The following SPOCK3 variants were observed in gnomAD, a reference collection of about 807,000 sequenced individuals.
The protein encoded by SPOCK3 is SPARC (osteonectin), cwcv and kazal like domains proteoglycan 3.
In SPOCK3, 30 loss-of-function variants were observed where a neutral mutation model predicts 56.6. That is an observed-to-expected ratio of 0.53 (90% CI 0.40 to 0.72). The LOEUF (loss-of-function observed/expected upper bound fraction) is 0.72, where lower values mean the gene tolerates loss of function less well. Ranked by LOEUF, SPOCK3 falls within the 30% of genes least tolerant of loss-of-function variation. The probability of loss-of-function intolerance (pLI) is 0.00; values close to 1 mark genes in which losing one functional copy is unlikely to be tolerated. For missense variants in SPOCK3, 527 were observed against 530.0 expected (o/e 0.99, Z 0.06); for synonymous variants, 196 against 183.3 (o/e 1.07, Z -0.56).
chr4:167,187,565 T>A (rs748509465), intron 2 of SPOCK3, among the ~76,000 whole-genome samples: 1 of 151,992 alleles, frequency 6.6e-6, no homozygotes, highest in Non-Finnish European at 1.5e-5. Context: ...TGCCCCAGTC[T>A]TTTTTTGCTA....
At position 166,860,557 on chromosome 4, in the gene SPOCK3, A is replaced by G. The variant is rs570363071; in HGVS notation, c.589+28573T>C. On this transcript the variant is annotated intron_variant, in intron 6 of 10. Coordinates refer to ENST00000357545, the MANE Select transcript of SPOCK3 (RefSeq NM_001040159.2). Reference sequence around the variant, plus strand: ...TGCATACTTAAATTGTGTAAAATCAATGATAAAGGAGTGCAAGCAAAATCA... The same window carrying G: ...TGCATACTTAAATTGTGTAAAATCAGTGATAAAGGAGTGCAAGCAAAATCA... 3.3e-5 allele frequency among the ~76,000 whole-genome samples: 5 copies of G among 152,004 alleles called. No homozygotes were observed. In the East Asian group the frequency reaches 9.7e-4, roughly 29 times the overall value.
intron 2 of SPOCK3, among the ~76,000 whole-genome samples, chr4:167,125,435 C>A (rs963506489): frequency 2.0e-5 from 3 of 149,644 alleles, no homozygotes; most frequent in Admixed American, 1.3e-4. Flanking sequence ...CACCCCCGGC[C>A]GGGCGCGGTG....
At chr4:166,908,009 G>C (rs1326188996) in intron 5 of SPOCK3, among the ~76,000 whole-genome samples, 1 of 151,870 alleles carries the variant, frequency 6.6e-6, no homozygotes, top group African/African-American at 2.4e-5. Context: ...TCAGAGGAAA[G>C]AAGATAGAAC....
At chr4:167,160,662 AAAACAGCATG>A (rs1765217184) in intron 2 of SPOCK3, among the ~76,000 whole-genome samples, 1 of 152,182 alleles carries the variant, frequency 6.6e-6, no homozygotes, top group African/African-American at 2.4e-5. Flanking sequence ...TACAGTAACC[AAAACAGCATG>A]ATACTGGTAC....
At chr4:166,810,540 G>A (rs1294021606) in intron 6 of SPOCK3, among the ~76,000 whole-genome samples, 1 of 151,754 alleles carries the variant, frequency 6.6e-6, no homozygotes, top group Admixed American at 6.6e-5. Context: ...AATGGGTATT[G>A]AAATTTATTA....
intron 10 of SPOCK3, among the ~76,000 whole-genome samples, chr4:166,736,282 AC>A (rs1400753042): frequency 6.6e-6 from 1 of 152,068 alleles, no homozygotes; most frequent in Non-Finnish European, 1.5e-5. Context: ...TCTCCATATA[AC>A]TTTTATTTAC....
chr4:166,938,461 C>A (rs755685169), intron 4 of SPOCK3, among the ~76,000 whole-genome samples: 2 of 151,952 alleles, frequency 1.3e-5, no homozygotes, highest in African/African-American at 4.8e-5. Context: ...TGCTGGTGAT[C>A]AATCTGGTAA....
At chr4:167,080,889 T>G (rs1757646171) in intron 2 of SPOCK3, among the ~76,000 whole-genome samples, 1 of 150,026 alleles carries the variant, frequency 6.7e-6, no homozygotes, top group Admixed American at 6.6e-5. Context: ...TTTTTTTTTT[T>G]TTTTTTTTGA....
At chr4:167,065,648 T>A (rs1256822146) in intron 2 of SPOCK3, among the ~76,000 whole-genome samples, 1 of 151,828 alleles carries the variant, frequency 6.6e-6, no homozygotes, top group African/African-American at 2.4e-5. Flanking sequence ...TGTTCTCACA[T>A]CACTAGACTT....
chr4:166,745,140 C>T (rs532675628), intron 8 of SPOCK3, among the ~76,000 whole-genome samples: 1 of 152,190 alleles, frequency 6.6e-6, no homozygotes, highest in Non-Finnish European at 1.5e-5. Flanking sequence ...ACAGAGAACA[C>T]CACAAAGACA....
At chr4:167,204,310 C>T (rs1057099861) in intron 2 of SPOCK3, among the ~76,000 whole-genome samples, 2 of 152,020 alleles carry the variant, frequency 1.3e-5, no homozygotes, top group Non-Finnish European at 2.9e-5. Flanking sequence ...TTAGTCTGTT[C>T]TCACACTGCT....
At chr4:166,956,115 G>T (rs959523799) in intron 4 of SPOCK3, among the ~76,000 whole-genome samples, 1 of 151,742 alleles carries the variant, frequency 6.6e-6, no homozygotes, top group African/African-American at 2.4e-5. Flanking sequence ...CACTTCTATG[G>T]TTATACATTA....
At chr4:166,925,676 A>ATT (rs57461276) in intron 4 of SPOCK3, among the ~76,000 whole-genome samples, 8 of 150,068 alleles carry the variant, frequency 5.3e-5, no homozygotes, top group Non-Finnish European at 8.9e-5. Flanking sequence ...TCCAAGGTAA[A>ATT]TTTTTTTTTT....
intron 5 of SPOCK3, among the ~76,000 whole-genome samples, chr4:166,908,796 C>T (rs1382433130): frequency 1.3e-5 from 2 of 151,986 alleles, no homozygotes; most frequent in African/African-American, 4.8e-5. Flanking sequence ...CATCCATGAT[C>T]TAACATAAAT....
At chr4:167,223,222 TAATA>T (rs1457336553) in intron 2 of SPOCK3, among the ~76,000 whole-genome samples, 2 of 138,686 alleles carry the variant, frequency 1.4e-5, no homozygotes, top group African/African-American at 2.7e-5. Context: ...TGTGAATATA[TAATA>T]TATAATATAT....
intron 4 of SPOCK3, among the ~76,000 whole-genome samples, chr4:166,940,968 T>C (rs1283644368): frequency 6.6e-6 from 1 of 151,212 alleles, no homozygotes; most frequent in Non-Finnish European, 1.5e-5. Context: ...GAACTGTCTA[T>C]TCTGCACCTA....
chr4:166,814,794 A>G (rs1028313364), intron 6 of SPOCK3, among the ~76,000 whole-genome samples: 3 of 151,988 alleles, frequency 2.0e-5, no homozygotes, highest in African/African-American at 7.2e-5. Flanking sequence ...GTGTGAGCCA[A>G]TTCTCCCCAA....
intron 8 of SPOCK3, among the ~76,000 whole-genome samples, chr4:166,747,120 C>T (rs13132577): frequency 0.79 from 120,100 of 152,026 alleles, 47,697 homozygotes; most frequent in South Asian, 0.82. Context: ...GTGAATCCTC[C>T]CTAACTCATT....
chr4:166,955,536 T>C (rs1203305898), intron 4 of SPOCK3, among the ~76,000 whole-genome samples: 4 of 104,814 alleles, frequency 3.8e-5, no homozygotes, highest in Admixed American at 3.3e-4. Context: ...TTATTAAATT[T>C]AATATTATTA....
Sources: gnomAD v4.1 joint callset for allele counts (sites outside exome capture counted in the v4.1 genomes callset) on GRCh38, gnomAD v4.1.1 for gene constraint, MANE v1.5 for transcripts, NCBI Gene and HGNC (gene_info 2026-07-23, HGNC 2026-07-21) for gene names.